The following KCNN2 variants were observed in gnomAD, a reference collection of about 807,000 sequenced individuals.
KCNN2 encodes the protein potassium calcium-activated channel subfamily N member 2, also known as small conductance calcium-activated potassium channel protein 2.
Under a neutral mutation model 55.5 loss-of-function variants are expected in KCNN2, and 24 were observed. The ratio of observed to expected loss-of-function variants is 0.43; its 90% confidence interval spans 0.31 to 0.61. The LOEUF is 0.61. Among genes scored for constraint, KCNN2 ranks in the 20% least tolerant of loss-of-function variants. The pLI is 0.08. For synonymous variants in KCNN2, 431 were observed against 336.1 expected (o/e 1.28, Z -3.09); for missense variants, 754 against 853.6 (o/e 0.88, Z 1.45).
At chr5:114,234,550 T>C (rs777981298) in intron 2 of KCNN2, among the ~76,000 whole-genome samples, 5 of 152,224 alleles carry the variant, frequency 3.3e-5, no homozygotes, top group Non-Finnish European at 7.3e-5. Context: ...AATTGGGGTA[T>C]TTCTTTGTTC....
intron 1 of KCNN2, among the ~76,000 whole-genome samples, chr5:114,137,589 T>C (rs1260117752): frequency 6.6e-6 from 1 of 152,200 alleles, no homozygotes; most frequent in East Asian, 1.9e-4. Context: ...TATGTTGTTT[T>C]ATATGCAGAA....
chr5:114,211,972 C>A (rs1268387521), intron 1 of KCNN2, among the ~76,000 whole-genome samples: 1 of 150,494 alleles, frequency 6.6e-6, no homozygotes. Context: ...AGTATAGCAA[C>A]ACTTTATACT....
At chr5:114,472,495 C>G (rs1761790999) in intron 4 of KCNN2, among the ~76,000 whole-genome samples, 1 of 152,076 alleles carries the variant, frequency 6.6e-6, no homozygotes, top group Non-Finnish European at 1.5e-5. Context: ...CTCTGTTGCC[C>G]AGGTTAAGAT....
At chr5:114,302,871 G>T (rs971541009) in intron 2 of KCNN2, among the ~76,000 whole-genome samples, 7 of 152,182 alleles carry the variant, frequency 4.6e-5, no homozygotes, top group African/African-American at 1.4e-4. Flanking sequence ...GGGCCATACT[G>T]GTTGTACTTA....
At chr5:114,180,352 T>C (rs1473573771) in intron 1 of KCNN2, among the ~76,000 whole-genome samples, 1 of 152,192 alleles carries the variant, frequency 6.6e-6, no homozygotes, top group African/African-American at 2.4e-5. Flanking sequence ...ACAATTACAG[T>C]TAGCAATACA....
intron 3 of KCNN2, among the ~76,000 whole-genome samples, chr5:114,436,783 G>A (rs945059947): frequency 1.1e-4 from 17 of 152,152 alleles, no homozygotes; most frequent in Non-Finnish European, 2.2e-4. Context: ...TAGAAGCTTT[G>A]AAACAGTGCT....
exon 1 of KCNN2, chr5:114,056,149 G>C (rs1750200616): frequency 2.6e-6 from 1 of 388,356 alleles, no homozygotes; most frequent in Non-Finnish European, 4.5e-6. Context: ...TGGGAGCTGG[G>C]CGCCCAAAAG....
intron 3 of KCNN2, among the ~76,000 whole-genome samples, chr5:114,458,613 A>C (rs568174997): frequency 6.6e-6 from 1 of 152,338 alleles, no homozygotes; most frequent in Non-Finnish European, 1.5e-5. Flanking sequence ...CATAGTCGTT[A>C]TCTTCAAATT....
At chr5:114,409,867 TTCTCTC>T (rs377480191) in intron 3 of KCNN2, among the ~76,000 whole-genome samples, 17 of 150,004 alleles carry the variant, frequency 1.1e-4, no homozygotes, top group South Asian at 2.1e-4. Flanking sequence ...GTAATAAAAA[TTCTCTC>T]TCTCTCTCTC....
At chr5:114,119,437 A>G (rs928876202) in intron 1 of KCNN2, among the ~76,000 whole-genome samples, 1 of 152,242 alleles carries the variant, frequency 6.6e-6, no homozygotes, top group Non-Finnish European at 1.5e-5. Flanking sequence ...AAATTAAAGA[A>G]CATGAATTTA....
At chr5:114,348,244 G>A (rs1757148653) in intron 2 of KCNN2, among the ~76,000 whole-genome samples, 1 of 133,372 alleles carries the variant, frequency 7.5e-6, no homozygotes, top group African/African-American at 2.8e-5. Flanking sequence ...AGGTTACAAA[G>A]AAAATTAATT....
At chr5:114,281,734 A>G (rs903935083) in intron 2 of KCNN2, among the ~76,000 whole-genome samples, 3 of 122,262 alleles carry the variant, frequency 2.5e-5, no homozygotes, top group Non-Finnish European at 5.5e-5. Context: ...ATTTTTAAGC[A>G]TATACTATGA....
At chr5:114,338,490 C>A (rs1425146276) in intron 2 of KCNN2, among the ~76,000 whole-genome samples, 1 of 152,160 alleles carries the variant, frequency 6.6e-6, no homozygotes, top group East Asian at 1.9e-4. Context: ...ATGCACCATC[C>A]TCACTTTATA....
Position 114,363,120 on chromosome 5 carries a change from G to C in KCNN2, c.981G>C (p.Gln327His). 6.2e-7 allele frequency: 1 copy of C among 1,613,480 alleles called. No homozygotes were observed. The highest frequency in any genetic ancestry group is 8.5e-7 in the Non-Finnish European group (1 of 1,179,994). Reference protein sequence around the residue: ...SGTKSSKKKNQNIGYKLGHRR... With the variant: ...SGTKSSKKKNHNIGYKLGHRR... ...CCAAGTCCAGCAAAAAGAAAAACCAGAACATCGGCTACAAGCTGGGCCACC... is the reference window on the plus strand; with the variant it reads ...CCAAGTCCAGCAAAAAGAAAAACCACAACATCGGCTACAAGCTGGGCCACC... The change falls in exon 1 of 8, where the codon CAG (glutamine) becomes CAC (histidine). Residue 327 changes from glutamine to histidine, a missense_variant. Physicochemically the swap from Gln to His is conservative, Grantham distance 24. Around this residue, in one of 4 missense-constraint regions of KCNN2, gnomAD observed 123 missense variants for 204.9 expected, o/e 0.60. Coordinates refer to ENST00000673685, the MANE Select transcript of KCNN2 (RefSeq NM_021614.4).
chr5:114,281,258 C>G (rs1438782668), intron 2 of KCNN2, among the ~76,000 whole-genome samples: 1 of 152,010 alleles, frequency 6.6e-6, no homozygotes, highest in East Asian at 1.9e-4. Context: ...TTGCAGGTTT[C>G]TTTATCCCTG....
At chr5:114,389,022 T>C (rs990622862) in intron 2 of KCNN2, among the ~76,000 whole-genome samples, 2 of 152,060 alleles carry the variant, frequency 1.3e-5, no homozygotes, top group African/African-American at 4.8e-5. Flanking sequence ...GCAAGAATGT[T>C]TGATTTTTCA....
intron 1 of KCNN2, among the ~76,000 whole-genome samples, chr5:114,205,326 G>T (rs762105547): frequency 6.6e-6 from 1 of 152,196 alleles, no homozygotes; most frequent in African/African-American, 2.4e-5. Flanking sequence ...CTTTACAGTG[G>T]ATTCTAATGG....
intron 1 of KCNN2, among the ~76,000 whole-genome samples, chr5:114,221,105 A>C (rs1053724897): frequency 6.6e-6 from 1 of 152,240 alleles, no homozygotes; most frequent in African/African-American, 2.4e-5. Context: ...GACAGAAAAC[A>C]GTGCCCTCTG....
intron 2 of KCNN2, among the ~76,000 whole-genome samples, chr5:114,329,034 C>T (rs1222289110): frequency 6.6e-6 from 1 of 152,210 alleles, no homozygotes; most frequent in Non-Finnish European, 1.5e-5. Context: ...AATGTTCCAA[C>T]AGCCTTGTAA....
Sources: gnomAD v4.1 joint callset for allele counts (sites outside exome capture counted in the v4.1 genomes callset) on GRCh38, gnomAD v4.1.1 for gene constraint, gnomAD v4.1.1 regional missense constraint, MANE v1.5 for transcripts, NCBI Gene and HGNC (gene_info 2026-07-23, HGNC 2026-07-21) for gene names.